Variants in PSAP observed in about 807,000 individuals in gnomAD.
PSAP encodes the protein precursor of saposins.
PSAP carries 25 observed loss-of-function variants against 66.0 expected under a neutral mutation model. The observed-to-expected ratio is 0.38, with a 90% CI of 0.28 to 0.53. The LOEUF is 0.53. Among genes scored for constraint, PSAP ranks in the 20% least tolerant of loss-of-function variants. PSAP has a pLI of 0.83. For missense variants in PSAP, 649 were observed against 668.8 expected, an observed-to-expected ratio of 0.97 and a Z score of 0.33; for synonymous variants, 273 against 258.9, an observed-to-expected ratio of 1.05 and a Z score of -0.52.
rs143018280 is a variant in PSAP, at chr10:71,830,918, C to T, written c.375+208G>A. ...AGCAGTCCGACCAGTCCCCAGCAGC[C>T]GCACCCTCGCTAACCCCAGGGCAAG... is the stretch of plus-strand genomic sequence containing the variant. On this transcript the variant is annotated intron_variant, in intron 4 of 13. Coordinates refer to ENST00000394936, the MANE Select transcript of PSAP (RefSeq NM_002778.4). Among the ~76,000 whole-genome samples, 937 of 152,312 alleles carry T rather than the reference C, an allele frequency of 6.2e-3. 8 individuals carry two copies. The highest frequency in any genetic ancestry group is 0.018 in the African/African-American group (749 of 41,548).
At chr10:71,822,922 C>T (rs1842333980) in intron 7 of PSAP, among the ~76,000 whole-genome samples, 1 of 151,604 alleles carries the variant, frequency 6.6e-6, no homozygotes, top group South Asian at 2.1e-4. Flanking sequence ...ATCCCAAATA[C>T]CCTGTCTCTG....
At chr10:71,833,052 C>T (rs921714849) in intron 2 of PSAP, among the ~76,000 whole-genome samples, 2 of 130,492 alleles carry the variant, frequency 1.5e-5, no homozygotes. Flanking sequence ...AAACAGAAGG[C>T]CGGGCCATGA....
At chr10:71,823,410 G>A (rs1419117769) in intron 7 of PSAP, among the ~76,000 whole-genome samples, 1 of 152,242 alleles carries the variant, frequency 6.6e-6, no homozygotes, top group Admixed American at 6.5e-5. Context: ...GCAAATGTTT[G>A]CTCATGCAGC....
intron 1 of PSAP, among the ~76,000 whole-genome samples, chr10:71,842,966 C>G (rs1484428584): frequency 6.6e-6 from 1 of 152,180 alleles, no homozygotes; most frequent in East Asian, 1.9e-4. Context: ...CCTGGCTACA[C>G]CTCCTGGCAC....
At chr10:71,827,778 T>C (rs901716262) in intron 6 of PSAP, among the ~76,000 whole-genome samples, 20 of 151,018 alleles carry the variant, frequency 1.3e-4, no homozygotes, top group Non-Finnish European at 2.9e-5. Context: ...GTGTTCCTAA[T>C]ACACAGGGTG....
chr10:71,839,255 T>C (rs1842683336), intron 1 of PSAP, among the ~76,000 whole-genome samples: 1 of 152,162 alleles, frequency 6.6e-6, no homozygotes, highest in South Asian at 2.1e-4. Context: ...TTTTTTTCTT[T>C]TGAGACAGAG....
At chr10:71,841,203 G>A (rs1379785547) in intron 1 of PSAP, among the ~76,000 whole-genome samples, 1 of 152,228 alleles carries the variant, frequency 6.6e-6, no homozygotes, top group African/African-American at 2.4e-5. Context: ...GTTGGCACAG[G>A]CACCCACACA....
chr10:71,835,252 T>TAAAAA lies in PSAP; in HGVS notation c.41-752_41-748dup, dbSNP rs1278478541. ...TAAATAAATAAATAAATAAATAAAA[T>TAAAAA]AAAAATTAAAATTAAAAAAAATTCA... On this transcript the variant is annotated intron_variant, in intron 1 of 13. Coordinates refer to ENST00000394936, the MANE Select transcript of PSAP (RefSeq NM_002778.4). Among the ~76,000 whole-genome samples, 3 of 141,156 alleles carry TAAAAA rather than the reference T, an allele frequency of 2.1e-5. No individual in the cohort carries two copies. In the East Asian group the frequency reaches 6.4e-4, roughly 30 times the overall value. The allele number at this position is 141,156 out of a possible 152,430, so 92.6% of individuals were successfully genotyped here. A position where few individuals can be genotyped will look rare whatever the true frequency, so the allele number is the denominator to read the frequency against.
At chr10:71,825,732 A>C in intron 7 of PSAP, 105 bp downstream of exon 7, 1 of 1,099,804 alleles carries the variant, frequency 9.1e-7, no homozygotes, top group Admixed American at 1.9e-5. Context: ...TCAGCACTCT[A>C]AGGTAAAAAA....
rs1842153072 is a variant in PSAP at position 71,816,340 on chromosome 10, T to C, written c.*1101A>G. ...TATTGTTAAATCACAGAAACTTTAG[T>C]GCAAAACAAAAATCACGAAGTCCAT... On this transcript the variant is annotated 3_prime_UTR_variant, in exon 14 of 14. Coordinates refer to ENST00000394936, the MANE Select transcript of PSAP (RefSeq NM_002778.4). The C allele has an allele frequency of 2.2e-6, 1 of 463,970 alleles. No individual in the cohort carries two copies. The highest frequency in any genetic ancestry group is 4.5e-6 in the Non-Finnish European group (1 of 220,886). The allele number at this position is 463,970 out of a possible 1,614,324, so 28.7% of individuals were successfully genotyped here.
chr10:71,834,562 T>C (rs1450718104), intron 1 of PSAP, 57 bp from the exon 2 acceptor site: 1 of 1,598,028 alleles, frequency 6.3e-7, no homozygotes. Context: ...CAGGTCGACC[T>C]GACTTATTTC....
chr10:71,827,077 T>A (rs1842409882), intron 6 of PSAP, among the ~76,000 whole-genome samples: 1 of 152,104 alleles, frequency 6.6e-6, no homozygotes. Context: ...ATTCTCAGTG[T>A]CACATACATT....
chr10:71,837,246 G>A (rs114482143), intron 1 of PSAP, among the ~76,000 whole-genome samples: 6 of 152,284 alleles, frequency 3.9e-5, no homozygotes, highest in Non-Finnish European at 7.4e-5. Context: ...GGTATGCAAC[G>A]GATTCCATCT....
chr10:71,838,673 T>C (rs538641970), intron 1 of PSAP, among the ~76,000 whole-genome samples: 1 of 152,228 alleles, frequency 6.6e-6, no homozygotes, highest in Non-Finnish European at 1.5e-5. Flanking sequence ...GGAGGATCGA[T>C]TGAGCCCAGG....
intron 1 of PSAP, among the ~76,000 whole-genome samples, chr10:71,849,477 T>G (rs1842883325): frequency 2.0e-5 from 3 of 151,628 alleles, no homozygotes; most frequent in Admixed American, 6.6e-5. Flanking sequence ...GTCTCACGCC[T>G]GTAATCCCAG....
chr10:71,836,800 G>A (rs777441303), intron 1 of PSAP, among the ~76,000 whole-genome samples: 36 of 152,166 alleles, frequency 2.4e-4, no homozygotes, highest in Non-Finnish European at 4.3e-4. Context: ...AGTGTTTCCG[G>A]AACACAACAC....
In PSAP at chr10:71,849,690, T is replaced by C. The variant is rs79221842; in HGVS notation, c.40+1492A>G. On this transcript the variant is annotated intron_variant, in intron 1 of 13. Transcript: ENST00000394936. ...ACTTTCTTTTCTCTTTTTCTTTTTT[T>C]CACAGGTGGGGTCTTGCTATGTTGC... Among the ~76,000 whole-genome samples the C allele has an allele frequency of 2.5e-3, 383 of 152,278 alleles. 2 individuals carry two copies. The highest frequency in any genetic ancestry group is 8.7e-3 in the African/African-American group (361 of 41,560).
chr10:71,828,736 A>C, intron 5 of PSAP, 141 bp downstream of exon 5: 1 of 825,704 alleles, frequency 1.2e-6, no homozygotes, highest in Non-Finnish European at 1.9e-6. Flanking sequence ...ACAACCATTT[A>C]AAGGCTGGCT....
intron 1 of PSAP, among the ~76,000 whole-genome samples, chr10:71,843,778 C>CA (rs965832194): frequency 6.6e-6 from 1 of 151,962 alleles, no homozygotes; most frequent in African/African-American, 2.4e-5. Flanking sequence ...ACCCAGGAAC[C>CA]AAAAAATGAG....
Sources: gnomAD v4.1 joint callset for allele counts (sites outside exome capture counted in the v4.1 genomes callset) on GRCh38, gnomAD v4.1.1 for gene constraint, MANE v1.5 for transcripts, NCBI Gene and HGNC (gene_info 2026-07-23, HGNC 2026-07-21) for gene names.